Variants in SPRY3 observed in about 807,000 individuals in gnomAD.
The protein encoded by SPRY3 is sprouty RTK signaling antagonist 3, also known as protein sprouty homolog 3.
In SPRY3, 15 loss-of-function variants were observed where a neutral mutation model predicts 20.2. The ratio of observed to expected loss-of-function variants is 0.74; its 90% confidence interval spans 0.50 to 1.14. The LOEUF (loss-of-function observed/expected upper bound fraction) is 1.14, where lower values mean the gene tolerates loss of function less well. Among genes scored for constraint, SPRY3 ranks in the 50% most tolerant of loss-of-function variants. The pLI is 0.00. For synonymous variants in SPRY3, 143 were observed against 136.5 expected (o/e 1.05, Z -0.33); for missense variants, 364 against 363.9 (o/e 1.00, Z 0.00).
At chrX:155,680,145 GGTGTGTGTGTGT>G (rs774435204) in intron 2 of SPRY3, among the ~76,000 whole-genome samples, 26 of 70,408 alleles carry the variant, frequency 3.7e-4, no homozygotes, top group African/African-American at 1.0e-3. Flanking sequence ...AAGCAATGCT[GGTGTGTGTGTGT>G]GTGTGTGTGT....
chrX:155,774,701 G>A (rs1173037268), exon 4 of SPRY3: 5 of 1,613,746 alleles, frequency 3.1e-6, no homozygotes, highest in African/African-American at 1.3e-5. Context: ...TCTTCTGGTA[G>A]TGCACCCTTC....
At chrX:155,773,774 C>T in exon 4 of SPRY3, 1 of 1,386,158 alleles carries the variant, frequency 7.2e-7, no homozygotes, top group Non-Finnish European at 9.9e-7. Context: ...AGGATTTTCT[C>T]ATGTGCCCTG....
At chrX:155,732,012 T>C (rs2091136033) in intron 2 of SPRY3, among the ~76,000 whole-genome samples, 1 of 152,002 alleles carries the variant, frequency 6.6e-6, no homozygotes, top group African/African-American at 2.4e-5. Flanking sequence ...GTTTACAAAA[T>C]ATAGTAAATC....
intron 2 of SPRY3, among the ~76,000 whole-genome samples, chrX:155,704,956 CA>C (rs2090939854): frequency 6.6e-6 from 1 of 151,232 alleles, no homozygotes; most frequent in Admixed American, 6.6e-5. Context: ...CTGTATCAGA[CA>C]AGCAAAAACT....
intron 2 of SPRY3, among the ~76,000 whole-genome samples, chrX:155,715,770 G>T (rs2091017936): frequency 6.6e-6 from 1 of 152,144 alleles, no homozygotes; most frequent in South Asian, 2.1e-4. Flanking sequence ...TCTAGCTAAG[G>T]CTGGTCCAAA....
chrX:155,776,849 C>T (rs2091430121), downstream of SPRY3: 1 of 167,024 alleles, frequency 6.0e-6, no homozygotes, highest in South Asian at 2.1e-4. Context: ...AGTGTACTGA[C>T]ATTTGGGCTG....
At chrX:155,755,446 A>G (rs1569396426) in intron 2 of SPRY3, among the ~76,000 whole-genome samples, 1 of 151,858 alleles carries the variant, frequency 6.6e-6, no homozygotes, top group Non-Finnish European at 1.5e-5. Flanking sequence ...CTCTGGAGTT[A>G]AACTGCTTGG....
chrX:155,727,058 A>T (rs938240785), intron 2 of SPRY3, among the ~76,000 whole-genome samples: 2 of 152,050 alleles, frequency 1.3e-5, no homozygotes. Flanking sequence ...TCCTTCACTT[A>T]TAAAGCTTAG....
chrX:155,692,165 A>C (rs1281265540), intron 2 of SPRY3, among the ~76,000 whole-genome samples: 1 of 109,639 alleles, frequency 9.1e-6, no homozygotes, highest in African/African-American at 3.4e-5. Flanking sequence ...TAAAGAGGGA[A>C]TAGTAAATGG....
chrX:155,740,350 G>A lies in SPRY3; in HGVS notation c.-281-27612G>A, dbSNP rs770856110. ...ACAACCATAAGGTCTGACTGCCTGC[G>A]GGGTCAGGCAGAATAGAGCCATATT... On this transcript the variant is annotated intron_variant, in intron 2 of 3. Transcript: ENST00000675360. Among the ~76,000 whole-genome samples, 11 of 152,204 alleles carry A rather than the reference G, an allele frequency of 7.2e-5. No homozygotes were observed. The South Asian group carries it at 1.0e-3, about 14-fold the overall frequency.
chrX:155,615,852 G>A lies in SPRY3; in HGVS notation c.-441+3205G>A, dbSNP rs370505810. ...AGTAACCTATACAATTAATTTTGCA[G>A]TGAAGAAGTATTAATTAGGACTCAT... On this transcript the variant is annotated intron_variant, in intron 1 of 3. Transcript: ENST00000675360. Among the ~76,000 whole-genome samples, 35 of 111,290 alleles carry A rather than the reference G, an allele frequency of 3.1e-4. No homozygotes were observed. In the East Asian group the frequency reaches 8.8e-3, roughly 28 times the overall value.
At chrX:155,717,422 A>T (rs1279046560) in intron 2 of SPRY3, among the ~76,000 whole-genome samples, 1 of 152,042 alleles carries the variant, frequency 6.6e-6, no homozygotes, top group Admixed American at 6.6e-5. Context: ...AAGTTCTGGG[A>T]TACACGTGCA....
In SPRY3 at chrX:155,672,658, G is replaced by A. The variant is rs1262757390; in HGVS notation, c.-282+15633G>A. On this transcript the variant is annotated intron_variant, in intron 2 of 3. Transcript: ENST00000675360. ...CAACCATTGTGGAAGTCAGTGTGGT[G>A]ATTCCTCAAGGATCTAGAACTAGAA... Among the ~76,000 whole-genome samples, 14 of 108,362 alleles carry A rather than the reference G, an allele frequency of 1.3e-4. 1 individual carries two copies. The highest frequency in any genetic ancestry group is 4.8e-4 in the African/African-American group (14 of 29,126). The allele number at this position is 108,362 out of a possible 115,157, so 94.1% of individuals were successfully genotyped here. A position where few individuals can be genotyped will look rare whatever the true frequency, so the allele number is the denominator to read the frequency against.
intron 2 of SPRY3, among the ~76,000 whole-genome samples, chrX:155,699,742 C>A (rs1192622828): frequency 9.0e-6 from 1 of 110,674 alleles, no homozygotes; most frequent in Non-Finnish European, 1.9e-5. Context: ...GTTGAGCCTA[C>A]AACTACAGCT....
chrX:155,626,658 T>C (rs1260706516), intron 1 of SPRY3, among the ~76,000 whole-genome samples: 2 of 112,229 alleles, frequency 1.8e-5, no homozygotes, highest in Non-Finnish European at 3.8e-5. Context: ...TCTATGTTTC[T>C]TCTAAGAGTT....
chrX:155,672,864 A>G (rs1377203699), intron 2 of SPRY3, among the ~76,000 whole-genome samples: 9 of 105,119 alleles, frequency 8.6e-5, no homozygotes, highest in Middle Eastern at 5.0e-3. Context: ...GCACATATAC[A>G]CCATGGAATA....
chrX:155,770,877 C>T (rs1487242472), intron 3 of SPRY3, among the ~76,000 whole-genome samples: 2 of 152,114 alleles, frequency 1.3e-5, no homozygotes, highest in Non-Finnish European at 2.9e-5. Context: ...ATCCTGTTAG[C>T]CAGATCAGAT....
chrX:155,708,473 G>C (rs987140673), intron 2 of SPRY3, among the ~76,000 whole-genome samples: 5 of 151,252 alleles, frequency 3.3e-5, no homozygotes. Context: ...ATCTTGACTA[G>C]GATGTGTCCA....
chrX:155,751,752 T>A (rs1337516414), intron 2 of SPRY3, among the ~76,000 whole-genome samples: 1 of 151,582 alleles, frequency 6.6e-6, no homozygotes, highest in Non-Finnish European at 1.5e-5. Flanking sequence ...ACTAGTGGTA[T>A]GTACACAACT....
Sources: gnomAD v4.1 joint callset for allele counts (sites outside exome capture counted in the v4.1 genomes callset) on GRCh38, gnomAD v4.1.1 for gene constraint, MANE v1.5 for transcripts, NCBI Gene and HGNC (gene_info 2026-07-23, HGNC 2026-07-21) for gene names.